The following ATP8B4 variants were observed in gnomAD, a reference collection of about 807,000 sequenced individuals.
ATP8B4 encodes probable phospholipid-transporting ATPase IM.
Under a neutral mutation model 145.6 loss-of-function variants are expected in ATP8B4, and 133 were observed. The observed-to-expected ratio is 0.91, with a 90% CI of 0.79 to 1.05. The LOEUF is 1.05. Ranked by LOEUF, ATP8B4 falls within the 50% of genes least tolerant of loss-of-function variation. ATP8B4 has a pLI of 0.00. For synonymous variants in ATP8B4, 507 were observed against 492.9 expected (o/e 1.03, Z -0.38); for missense variants, 1,458 against 1,425.2 (o/e 1.02, Z -0.37).
At chr15:50,090,228 G>A (rs138162051) in intron 2 of ATP8B4, among the ~76,000 whole-genome samples, 79 of 152,268 alleles carry the variant, frequency 5.2e-4, no homozygotes, top group African/African-American at 1.8e-3. Flanking sequence ...GGAACAACGG[G>A]AGGGAGAGCA....
At chr15:49,964,420 G>A (rs1285030734) in intron 13 of ATP8B4, among the ~76,000 whole-genome samples, 1 of 152,052 alleles carries the variant, frequency 6.6e-6, no homozygotes, top group African/African-American at 2.4e-5. Flanking sequence ...TGAAAGTGAA[G>A]AAAAATTGCC....
At chr15:50,112,673 C>G (rs56216064) in intron 1 of ATP8B4, among the ~76,000 whole-genome samples, 43,303 of 151,692 alleles carry the variant, frequency 0.29, 7,020 homozygotes, top group East Asian at 0.65. Context: ...GAGACTCAAT[C>G]TCCACATCTG....
chr15:49,909,193 C>A (rs544943447), intron 20 of ATP8B4, among the ~76,000 whole-genome samples: 1 of 152,246 alleles, frequency 6.6e-6, no homozygotes, highest in South Asian at 2.1e-4. Context: ...TGGGGATCAC[C>A]CTGCTCCATC....
intron 3 of ATP8B4, among the ~76,000 whole-genome samples, chr15:50,056,356 C>T (rs1340072565): frequency 6.6e-6 from 1 of 152,116 alleles, no homozygotes; most frequent in South Asian, 2.1e-4. Flanking sequence ...GAGAGAGAGG[C>T]AGGAACAAGC....
At chr15:49,885,534 A>G (rs907257349) in intron 23 of ATP8B4, among the ~76,000 whole-genome samples, 1 of 152,220 alleles carries the variant, frequency 6.6e-6, no homozygotes, top group African/African-American at 2.4e-5. Flanking sequence ...TGTTGACTGT[A>G]GGTACTCTAT....
At chr15:49,905,476 C>T (rs904135434) in intron 20 of ATP8B4, among the ~76,000 whole-genome samples, 1 of 151,688 alleles carries the variant, frequency 6.6e-6, no homozygotes, top group Admixed American at 6.6e-5. Context: ...TGAGCAATAG[C>T]TTTTTTGGAT....
chr15:50,026,866 C>T lies in ATP8B4; in HGVS notation c.362+11902G>A, dbSNP rs1318672965. ...CTGCATATGAAGATGGTACTTGTGACGGACCACATTGCACCAGAGCACATA... is the reference window on the plus strand; with the variant it reads ...CTGCATATGAAGATGGTACTTGTGATGGACCACATTGCACCAGAGCACATA... On this transcript the variant is annotated intron_variant, in intron 6 of 27. Transcript: ENST00000284509. Among the ~76,000 whole-genome samples the T allele has an allele frequency of 5.3e-5, 8 of 152,254 alleles. No homozygotes were observed. The East Asian group carries it at 7.7e-4, about 15-fold the overall frequency.
chr15:49,949,073 T>C (rs534570627), intron 14 of ATP8B4, among the ~76,000 whole-genome samples: 1 of 152,302 alleles, frequency 6.6e-6, no homozygotes, highest in South Asian at 2.1e-4. Flanking sequence ...TATGGTAGCC[T>C]GGTAGTATAG....
At chr15:50,024,755 A>G (rs1022783658) in intron 6 of ATP8B4, among the ~76,000 whole-genome samples, 3 of 152,200 alleles carry the variant, frequency 2.0e-5, no homozygotes, top group Non-Finnish European at 4.4e-5. Flanking sequence ...GCTTCAAATC[A>G]TATCTTGAGC....
At chr15:50,085,466 G>A (rs893564052) in intron 2 of ATP8B4, among the ~76,000 whole-genome samples, 4 of 151,998 alleles carry the variant, frequency 2.6e-5, no homozygotes, top group Admixed American at 2.0e-4. Context: ...CTTCTACATA[G>A]AGTTCAGTTA....
At chr15:49,922,041 G>T (rs557511932) in intron 17 of ATP8B4, among the ~76,000 whole-genome samples, 91 of 152,302 alleles carry the variant, frequency 6.0e-4, no homozygotes, top group South Asian at 1.5e-3. Flanking sequence ...GGAAACGGAT[G>T]ATTTAAATTA....
In ATP8B4 at chr15:49,996,658, A is replaced by C; in HGVS notation, c.589+19T>G. ...TTGGGTTTGAGGTTTTTGTTTGTTT[A>C]TCTGTTTAAAATACTTACCATCAAA... On this transcript the variant is annotated intron_variant, in intron 9 of 27. Coordinates refer to ENST00000284509, the MANE Select transcript of ATP8B4 (RefSeq NM_024837.4). The C allele has an allele frequency of 1.9e-6, 3 of 1,551,648 alleles. No homozygotes were observed. The highest frequency in any genetic ancestry group is 2.3e-5 in the East Asian group (1 of 43,732).
chr15:50,006,711 A>G (rs2048329999), intron 7 of ATP8B4, among the ~76,000 whole-genome samples: 1 of 152,212 alleles, frequency 6.6e-6, no homozygotes, highest in South Asian at 2.1e-4. Flanking sequence ...CAACAATTCT[A>G]TGAATGCCTT....
At chr15:49,958,438 AT>A (rs1425064014) in intron 14 of ATP8B4, among the ~76,000 whole-genome samples, 1 of 151,658 alleles carries the variant, frequency 6.6e-6, no homozygotes, top group Non-Finnish European at 1.5e-5. Context: ...ATTGATTAAA[AT>A]GCAGGAAAAA....
intron 4 of ATP8B4, 101 bp from the exon 5 acceptor site, chr15:50,044,793 AT>A: frequency 1.4e-6 from 1 of 704,422 alleles, no homozygotes; most frequent in Non-Finnish European, 2.3e-6. Flanking sequence ...ATATTGACTT[AT>A]TTGTACAAAT....
At chr15:49,987,592 C>T in intron 9 of ATP8B4, 43 bp from the exon 10 acceptor site, 3 of 1,578,886 alleles carry the variant, frequency 1.9e-6, no homozygotes, top group Non-Finnish European at 2.6e-6. Flanking sequence ...ATGACTCACC[C>T]AAAATTCTCT....
chr15:49,938,227 T>A (rs889898131), intron 14 of ATP8B4, among the ~76,000 whole-genome samples: 1 of 152,110 alleles, frequency 6.6e-6, no homozygotes, highest in African/African-American at 2.4e-5. Context: ...TACCACACAA[T>A]AGAAACTATA....
At chr15:50,021,627 T>A (rs2049581204) in intron 6 of ATP8B4, among the ~76,000 whole-genome samples, 1 of 152,168 alleles carries the variant, frequency 6.6e-6, no homozygotes, top group African/African-American at 2.4e-5. Flanking sequence ...CATCTCCCCA[T>A]CTCCCATCCC....
At chr15:50,120,998 A>G (rs2057264405), upstream of ATP8B4, among the ~76,000 whole-genome samples, 1 of 152,196 alleles carries the variant, frequency 6.6e-6, no homozygotes, top group Admixed American at 6.6e-5. Flanking sequence ...AAATTTAGCT[A>G]TTATAAATAA....
Sources: gnomAD v4.1 joint callset for allele counts (sites outside exome capture counted in the v4.1 genomes callset) on GRCh38, gnomAD v4.1.1 for gene constraint, MANE v1.5 for transcripts, NCBI Gene and HGNC (gene_info 2026-07-23, HGNC 2026-07-21) for gene names.